The following FER1L6 variants were observed in gnomAD, a reference collection of about 807,000 sequenced individuals.
FER1L6 encodes fer-1 like family member 6, also known as fer-1-like protein 6.
In FER1L6, 177 loss-of-function variants were observed where a neutral mutation model predicts 219.2. The observed-to-expected ratio is 0.81, with a 90% CI of 0.71 to 0.91. The LOEUF is 0.91. Among genes scored for constraint, FER1L6 ranks in the 40% least tolerant of loss-of-function variants. The probability of loss-of-function intolerance (pLI) is 0.00; values close to 1 mark genes in which losing one functional copy is unlikely to be tolerated. For missense variants in FER1L6, 2,153 were observed against 2,259.9 expected (o/e 0.95, Z 0.96); for synonymous variants, 768 against 824.3 (o/e 0.93, Z 1.17).
chr8:123,980,981 C>T (rs1816300279), intron 11 of FER1L6, among the ~76,000 whole-genome samples, 170 bp downstream of exon 11: 1 of 152,218 alleles, frequency 6.6e-6, no homozygotes, highest in South Asian at 2.1e-4. Flanking sequence ...CCCTCTTGCA[C>T]ACTTCACAGC....
intron 1 of FER1L6, among the ~76,000 whole-genome samples, chr8:123,911,686 A>C (rs912106925): frequency 2.0e-5 from 3 of 152,106 alleles, no homozygotes; most frequent in African/African-American, 7.2e-5. Context: ...CCTTCTTTTT[A>C]GGGGAAAGGA....
chr8:123,865,515 T>G (rs905661912), intron 1 of FER1L6, among the ~76,000 whole-genome samples: 1 of 151,430 alleles, frequency 6.6e-6, no homozygotes, highest in African/African-American at 2.5e-5. Flanking sequence ...CCACCCAGTT[T>G]GAGCTTCCAG....
chr8:123,893,093 A>C (rs1563675684), intron 1 of FER1L6, among the ~76,000 whole-genome samples: 1 of 152,182 alleles, frequency 6.6e-6, no homozygotes, highest in Non-Finnish European at 1.5e-5. Context: ...TTTCCTTGTC[A>C]ACTGGGTCAT....
At chr8:123,958,574 G>A (rs1184891359) in intron 2 of FER1L6, among the ~76,000 whole-genome samples, 1 of 152,102 alleles carries the variant, frequency 6.6e-6, no homozygotes, top group Admixed American at 6.5e-5. Flanking sequence ...ATCTTTTGTG[G>A]TATTCCTACA....
At chr8:123,866,532 G>A (rs1195559424) in intron 1 of FER1L6, among the ~76,000 whole-genome samples, 1 of 152,038 alleles carries the variant, frequency 6.6e-6, no homozygotes, top group Non-Finnish European at 1.5e-5. Flanking sequence ...GAATCATACA[G>A]TAATTCTATT....
intron 22 of FER1L6, among the ~76,000 whole-genome samples, chr8:124,059,260 TG>T (rs1820447891): frequency 6.6e-6 from 1 of 152,194 alleles, no homozygotes; most frequent in Admixed American, 6.5e-5. Flanking sequence ...ATGGGTCATC[TG>T]GCCCAATATC....
intron 1 of FER1L6, among the ~76,000 whole-genome samples, chr8:123,896,277 C>A (rs977155345): frequency 4.6e-5 from 7 of 152,186 alleles, no homozygotes; most frequent in South Asian, 2.1e-4. Flanking sequence ...GTTATTCATT[C>A]TAAGTAGAAT....
chr8:123,997,168 C>G (rs1025038902), intron 12 of FER1L6, among the ~76,000 whole-genome samples: 1 of 152,054 alleles, frequency 6.6e-6, no homozygotes, highest in Non-Finnish European at 1.5e-5. Flanking sequence ...GAAAAACTTC[C>G]TTTAGCATGT....
chr8:123,892,951 T>C (rs903523145), intron 1 of FER1L6, among the ~76,000 whole-genome samples: 2 of 152,180 alleles, frequency 1.3e-5, no homozygotes, highest in African/African-American at 4.8e-5. Flanking sequence ...TTGGGTTATA[T>C]TTATATAGAT....
intron 13 of FER1L6, among the ~76,000 whole-genome samples, chr8:124,007,523 AC>A (rs1817716011): frequency 6.6e-6 from 1 of 152,118 alleles, no homozygotes; most frequent in Non-Finnish European, 1.5e-5. Context: ...CTCCACACCC[AC>A]CCACTTCCTT....
At chr8:123,856,169 TGAGATATATGTATATAC>T in intron 1 of FER1L6, among the ~76,000 whole-genome samples, 3 of 83,634 alleles carry the variant, frequency 3.6e-5, no homozygotes, top group Non-Finnish European at 4.7e-5. Flanking sequence ...CATATGTGTA[TGAGATATATGTATATAC>T]ATATGTGTAT....
chr8:124,063,340 T>A (rs955197197), intron 25 of FER1L6, among the ~76,000 whole-genome samples: 1 of 152,210 alleles, frequency 6.6e-6, no homozygotes, highest in Non-Finnish European at 1.5e-5. Context: ...ATAGTTTATA[T>A]TTTTAGTCTT....
intron 39 of FER1L6, among the ~76,000 whole-genome samples, chr8:124,108,656 A>G (rs1216159120): frequency 3.9e-5 from 6 of 152,130 alleles, no homozygotes; most frequent in Non-Finnish European, 7.3e-5. Context: ...GTAGACGGAC[A>G]TCTTGAGCCC....
chr8:123,963,067 T>C (rs975153667), intron 2 of FER1L6, among the ~76,000 whole-genome samples: 4 of 152,232 alleles, frequency 2.6e-5, no homozygotes, highest in Middle Eastern at 3.2e-3. Context: ...TCTGTTCTTT[T>C]TTGGAAACAG....
At chr8:123,949,659 T>A in intron 1 of FER1L6, among the ~76,000 whole-genome samples, 1 of 152,206 alleles carries the variant, frequency 6.6e-6, no homozygotes, top group East Asian at 1.9e-4. Context: ...CCCACTCAGC[T>A]GCAGGGAGGA....
intron 18 of FER1L6, among the ~76,000 whole-genome samples, chr8:124,028,520 A>G (rs1166234884): frequency 1.4e-5 from 2 of 143,770 alleles, no homozygotes; most frequent in Non-Finnish European, 3.1e-5. Flanking sequence ...TAGCTGGGAA[A>G]TAGGAAGTGA....
rs370521007 is a variant in FER1L6 at position 123,993,420 on chromosome 8, C to T, written c.1519+7244C>T. Among the ~76,000 whole-genome samples, 560 of 136,052 alleles carry T rather than the reference C, an allele frequency of 4.1e-3. 7 individuals are homozygous for T. The highest frequency in any genetic ancestry group is 0.014 in the African/African-American group (507 of 35,584). The allele number at this position is 136,052 out of a possible 152,430, so 89.3% of individuals were successfully genotyped here. The stretch of plus-strand genomic sequence containing the variant: ...TCCCGCCACTGCACTCCAGCCTGGG[C>T]GACAGAGCGAGACTCCGTCTCAAAA... On this transcript the variant is annotated intron_variant, in intron 12 of 40. Coordinates refer to ENST00000522917, the MANE Select transcript of FER1L6 (RefSeq NM_001039112.2).
At chr8:124,110,052 G>A (rs372268597) in intron 39 of FER1L6, among the ~76,000 whole-genome samples, 2 of 151,998 alleles carry the variant, frequency 1.3e-5, no homozygotes, top group Admixed American at 6.6e-5. Flanking sequence ...CACATATGAC[G>A]GCCCCCTACT....
chr8:123,863,935 A>G (rs1240516466), intron 1 of FER1L6, among the ~76,000 whole-genome samples: 4 of 150,868 alleles, frequency 2.7e-5, no homozygotes, highest in South Asian at 4.2e-4. Context: ...TCTTTATCCA[A>G]CTTGCCAGTC....
Sources: gnomAD v4.1 joint callset for allele counts (sites outside exome capture counted in the v4.1 genomes callset) on GRCh38, gnomAD v4.1.1 for gene constraint, MANE v1.5 for transcripts, NCBI Gene and HGNC (gene_info 2026-07-23, HGNC 2026-07-21) for gene names.